The following GRAMD1B variants were observed in gnomAD, a reference collection of about 807,000 sequenced individuals.
GRAMD1B encodes the protein GRAM domain containing 1B.
In GRAMD1B, 37 loss-of-function variants were observed where a neutral mutation model predicts 99.7. The ratio of observed to expected loss-of-function variants is 0.37; its 90% CI spans 0.29 to 0.49. The LOEUF (loss-of-function observed/expected upper bound fraction) is 0.49. Among genes scored for constraint, GRAMD1B ranks in the 20% least tolerant of loss-of-function variants. The probability of loss-of-function intolerance (pLI) is 0.98; values close to 1 mark genes in which losing one functional copy is unlikely to be tolerated. For missense variants in GRAMD1B, 888 were observed against 1,009.2 expected, an observed-to-expected ratio of 0.88 and a Z score of 1.63; for synonymous variants, 427 against 387.6, an observed-to-expected ratio of 1.10 and a Z score of -1.19.
At chr11:123,546,224 G>A (rs929502669) in intron 2 of GRAMD1B, among the ~76,000 whole-genome samples, 5 of 152,222 alleles carry the variant, frequency 3.3e-5, no homozygotes, top group African/African-American at 7.2e-5. Flanking sequence ...AGGGAAGGAG[G>A]ATGGACAGAA....
intron 2 of GRAMD1B, among the ~76,000 whole-genome samples, chr11:123,568,923 G>A (rs1283641314): frequency 6.6e-6 from 1 of 152,146 alleles, no homozygotes; most frequent in Non-Finnish European, 1.5e-5. Context: ...GGTTCCATGC[G>A]TGGTCACAGG....
intron 3 of GRAMD1B, chr11:123,578,519 G>A: frequency 3.2e-6 from 3 of 926,198 alleles, no homozygotes; most frequent in Non-Finnish European, 3.4e-6. Flanking sequence ...TGGCCCTGCC[G>A]ATTCTGGCCC....
At chr11:123,366,729 G>A (rs1398904363) in intron 1 of GRAMD1B, among the ~76,000 whole-genome samples, 1 of 152,190 alleles carries the variant, frequency 6.6e-6, no homozygotes, top group Non-Finnish European at 1.5e-5. Flanking sequence ...TTGAAATCTA[G>A]GTTTTTCAGA....
chr11:123,532,180 C>T (rs1459485921), intron 2 of GRAMD1B, among the ~76,000 whole-genome samples: 1 of 152,212 alleles, frequency 6.6e-6, no homozygotes, highest in African/African-American at 2.4e-5. Context: ...CTTGATCACT[C>T]CAAGTCCCCT....
At chr11:123,432,260 G>T (rs992140742) in intron 1 of GRAMD1B, 2 of 385,810 alleles carry the variant, frequency 5.2e-6, no homozygotes, top group Non-Finnish European at 4.6e-6. Flanking sequence ...GGGGAGGCTT[G>T]TATAAGAAAT....
At chr11:123,557,004 G>A (rs1591986053) in intron 2 of GRAMD1B, among the ~76,000 whole-genome samples, 1 of 152,174 alleles carries the variant, frequency 6.6e-6, no homozygotes, top group East Asian at 1.9e-4. Flanking sequence ...GTAGGACTCG[G>A]GTAAGGCAGA....
intron 1 of GRAMD1B, among the ~76,000 whole-genome samples, chr11:123,420,121 G>A (rs1373418878): frequency 1.3e-5 from 2 of 152,170 alleles, no homozygotes; most frequent in East Asian, 3.8e-4. Flanking sequence ...ACTTTTAAAG[G>A]TCTTTTATTG....
chr11:123,617,947 T>C (rs961262688), intron 17 of GRAMD1B, among the ~76,000 whole-genome samples: 16 of 152,202 alleles, frequency 1.1e-4, no homozygotes, highest in Non-Finnish European at 2.9e-5. Flanking sequence ...CCTCAGCCTG[T>C]CTGCATGATC....
At chr11:123,513,646 T>TTTCTTTCTTTATTTCTTTCTTTC (rs1941380626) in intron 2 of GRAMD1B, among the ~76,000 whole-genome samples, 1 of 28,438 alleles carries the variant, frequency 3.5e-5, no homozygotes, top group Non-Finnish European at 8.7e-5. Flanking sequence ...TTCTTTCTTT[T>TTTCTTTCTTTATTTCTTTCTTTC]TCTTACCTTT....
chr11:123,402,111 G>A lies in GRAMD1B; in HGVS notation c.-176+43312G>A, dbSNP rs142998501. ...GCTCACTGCAACCTCCGCTTCCCTG[G>A]TTCAAGCGATTCTCCTGCCTCAGCC... On this transcript the variant is annotated intron_variant, in intron 1 of 20. Transcript: ENST00000638157. Among the ~76,000 whole-genome samples the A allele has an allele frequency of 9.7e-3, 1,477 of 152,260 alleles. 14 individuals carry two copies. Among genetic ancestry groups the A allele is most frequent in the South Asian group, 0.018 (86 of 4,830 alleles).
chr11:123,528,408 C>T (rs1943016726), intron 2 of GRAMD1B, among the ~76,000 whole-genome samples: 1 of 152,192 alleles, frequency 6.6e-6, no homozygotes, highest in Admixed American at 6.5e-5. Context: ...ATGGTAAATA[C>T]TGATAAGAAC....
chr11:123,539,903 G>A (rs947534812), intron 2 of GRAMD1B, among the ~76,000 whole-genome samples: 1 of 152,102 alleles, frequency 6.6e-6, no homozygotes, highest in Admixed American at 6.6e-5. Flanking sequence ...CCTCCTCCTT[G>A]AAGAAATCTT....
chr11:123,506,903 G>C (rs1286632553), intron 2 of GRAMD1B, among the ~76,000 whole-genome samples: 1 of 152,146 alleles, frequency 6.6e-6, no homozygotes, highest in Non-Finnish European at 1.5e-5. Context: ...CTACTCTGCA[G>C]TTAACAGCAC....
rs1238655743 is a variant in GRAMD1B, at chr11:123,622,495, C to A, written c.2545-11C>A. The stretch of plus-strand genomic sequence containing the variant: ...AGACCCAGGCCTGGGGTGGGGTTTT[C>A]TGTCTTGCAGATGAAGGACTCGCTC... On this transcript the variant is annotated splice_polypyrimidine_tract_variant and intron_variant, in intron 19 of 19. Transcript: ENST00000635736. 2 of 1,529,300 alleles carry A rather than the reference C, an allele frequency of 1.3e-6. No homozygotes were observed. Among genetic ancestry groups the A allele is most frequent in the Admixed American group, 3.9e-5 (2 of 51,346 alleles). The allele number at this position is 1,529,300 out of a possible 1,614,324, so 94.7% of individuals were successfully genotyped here.
chr11:123,528,117 A>G (rs2846309), intron 2 of GRAMD1B, among the ~76,000 whole-genome samples: 79,029 of 151,886 alleles, frequency 0.52, 21,315 homozygotes, highest in South Asian at 0.62. Flanking sequence ...GTTGTGGATG[A>G]AATGCGGCTC....
rs373007953 is a variant in GRAMD1B at position 123,512,574 on chromosome 11, A to G, written c.452+31681A>G. Among the ~76,000 whole-genome samples, 8 of 152,158 alleles carry G rather than the reference A, an allele frequency of 5.3e-5. No homozygotes were observed. In the East Asian group the frequency reaches 7.7e-4, roughly 15 times the overall value. On this transcript the variant is annotated intron_variant, in intron 2 of 19. Transcript: ENST00000635736. ...TTCTACAAAAAATGAAAAATTAGCCAGGGGTGGTGGCATGCACCTGTAGTC... is the reference window on the plus strand; with the variant it reads ...TTCTACAAAAAATGAAAAATTAGCCGGGGGTGGTGGCATGCACCTGTAGTC...
intron 1 of GRAMD1B, among the ~76,000 whole-genome samples, chr11:123,463,388 G>A (rs564808293): frequency 4.6e-5 from 7 of 152,346 alleles, no homozygotes; most frequent in African/African-American, 1.7e-4. Flanking sequence ...AAAGTTGGAA[G>A]CATATACATG....
At chr11:123,363,424 C>T (rs1373429306) in intron 1 of GRAMD1B, among the ~76,000 whole-genome samples, 8 of 152,122 alleles carry the variant, frequency 5.3e-5, no homozygotes, top group African/African-American at 1.4e-4. Context: ...CTTTGATAAC[C>T]GCCTGTAAAG....
chr11:123,380,624 G>A (rs1284693354), intron 1 of GRAMD1B, among the ~76,000 whole-genome samples: 5 of 152,296 alleles, frequency 3.3e-5, no homozygotes, highest in Admixed American at 2.6e-4. Context: ...GGCGTTAGGT[G>A]ATAAAGAGAA....
Sources: gnomAD v4.1 joint callset for allele counts (sites outside exome capture counted in the v4.1 genomes callset) on GRCh38, gnomAD v4.1.1 for gene constraint, MANE v1.5 for transcripts, NCBI Gene and HGNC (gene_info 2026-07-23, HGNC 2026-07-21) for gene names.